Variants in UROC1 observed in about 807,000 individuals in gnomAD.
UROC1 encodes the protein urocanate hydratase.
A neutral mutation model predicts 89.5 loss-of-function variants in UROC1; 79 were observed. The observed-to-expected ratio is 0.88, with a 90% confidence interval of 0.74 to 1.06. The LOEUF is 1.06. Ranked by LOEUF, UROC1 falls within the 50% of genes least tolerant of loss-of-function variation. UROC1 has a pLI of 0.00. For synonymous variants in UROC1, 361 were observed against 354.8 expected, an observed-to-expected ratio of 1.02 and a Z score of -0.20; for missense variants, 885 against 907.8, an observed-to-expected ratio of 0.97 and a Z score of 0.32.
At position 126,517,594 on chromosome 3, in the gene UROC1, C is replaced by T. The variant is rs748284906; in HGVS notation, c.126G>A (p.Gln42=). 3.1e-6 allele frequency: 5 copies of T among 1,612,318 alleles called. No homozygotes were observed. Among genetic ancestry groups the T allele is most frequent in the Non-Finnish European group, 3.4e-6 (4 of 1,179,730 alleles). ...RTPSLSPVEK[Q]LALRNALRYF... ...TCGGGAGCACGGGCCCACTGCTTAC[C>T]TGTTTCTCCACAGGGCTGAGGCTGG... is the stretch of plus-strand genomic sequence containing the variant. Residue 42 remains glutamine (Q), a splice_region_variant and synonymous_variant, in exon 1 of 20, where the codon CAG becomes CAA. Transcript: ENST00000290868.
At chr3:126,500,516 AC>A (rs1188352191) in intron 11 of UROC1, among the ~76,000 whole-genome samples, 178 bp downstream of exon 11, 1 of 152,188 alleles carries the variant, frequency 6.6e-6, no homozygotes, top group Non-Finnish European at 1.5e-5. Flanking sequence ...GTCCCCCTGC[AC>A]TGCCGAGAGG....
chr3:126,513,822 C>T (rs1055531229), intron 1 of UROC1, among the ~76,000 whole-genome samples: 1 of 152,160 alleles, frequency 6.6e-6, no homozygotes, highest in African/African-American at 2.4e-5. Context: ...AGGTATGCCC[C>T]TATTCAGAAA....
At chr3:126,501,099 G>T (rs1381709988) in intron 10 of UROC1, 119 bp downstream of exon 10, 2 of 1,242,952 alleles carry the variant, frequency 1.6e-6, no homozygotes, top group African/African-American at 1.5e-5. Flanking sequence ...AACAAGGGTG[G>T]CGCTGAACTG....
chr3:126,481,657 T>TA lies in UROC1; in HGVS notation c.*687dup, dbSNP rs1464606858. ...CTCACGAGGCTCTGGACCCAGTCAT[T>TA]ACCGGGCTATGGGATTGGGGAAGGG... On this transcript the variant is annotated 3_prime_UTR_variant, in exon 20 of 20. Transcript: ENST00000290868. 2 of 152,154 alleles carry TA rather than the reference T, an allele frequency of 1.3e-5. No homozygotes were observed. Among genetic ancestry groups the TA allele is most frequent in the African/African-American group, 4.8e-5 (2 of 41,426 alleles). The allele number at this position is 152,154 out of a possible 1,614,324, so 9.4% of individuals were successfully genotyped here.
intron 13 of UROC1, 51 bp from the exon 14 acceptor site, chr3:126,498,223 G>T (rs766351971): frequency 1.9e-6 from 3 of 1,612,804 alleles, no homozygotes; most frequent in African/African-American, 1.3e-5. Context: ...TGTTGGGGGA[G>T]GGGGTGCAGG....
At chr3:126,498,012 G>C in intron 14 of UROC1, 39 bp downstream of exon 14, 1 of 1,613,464 alleles carries the variant, frequency 6.2e-7, no homozygotes, top group Non-Finnish European at 8.5e-7. Flanking sequence ...AGCTTTGGGG[G>C]GGCCACCCAC....
chr3:126,502,056 TTTGATGTATGTGTATG>T, intron 9 of UROC1: 1 of 1,218,690 alleles, frequency 8.2e-7, no homozygotes, highest in Non-Finnish European at 1.1e-6. Context: ...TTAAACTGAT[TTTGATGTATGTGTATG>T]TGTGTGTGTT....
chr3:126,499,956 C>T, intron 12 of UROC1, 101 bp downstream of exon 12: 9 of 1,200,768 alleles, frequency 7.5e-6, no homozygotes, highest in Non-Finnish European at 1.1e-5. Context: ...GCTGGGCCAC[C>T]CATGGCACCT....
At chr3:126,501,608 G>T (rs1480147894) in intron 9 of UROC1, among the ~76,000 whole-genome samples, 1 of 152,238 alleles carries the variant, frequency 6.6e-6, no homozygotes, top group African/African-American at 2.4e-5. Context: ...ACCCACCCAA[G>T]GTGGTCCCAG....
intron 4 of UROC1, 49 bp from the exon 5 acceptor site, chr3:126,508,144 C>T: frequency 1.2e-6 from 2 of 1,612,282 alleles, no homozygotes; most frequent in Non-Finnish European, 1.7e-6. Flanking sequence ...AGCAGCACCC[C>T]ACACCCAGCC....
At chr3:126,503,342 C>T (rs1317446024) in intron 9 of UROC1, among the ~76,000 whole-genome samples, 1 of 152,234 alleles carries the variant, frequency 6.6e-6, no homozygotes, top group African/African-American at 2.4e-5. Context: ...GATGTGTCTT[C>T]CCGTAACAGG....
In UROC1 at chr3:126,501,281, C is replaced by T; in HGVS notation, c.903-1G>A. 6.2e-7 allele frequency: 1 copy of T among 1,613,986 alleles called. No individual in the cohort carries two copies. The highest frequency in any genetic ancestry group is 8.5e-7 in the Non-Finnish European group (1 of 1,179,976). ...CACCTCCTTTTTTTTCCTTGCTTCC[C>T]TGGAAGGACACAAAAGCAGAACAGG... On this transcript the variant is annotated splice_acceptor_variant, in intron 9 of 19. Coordinates refer to ENST00000290868, the MANE Select transcript of UROC1 (RefSeq NM_144639.3). LOFTEE classifies it high-confidence loss of function.
chr3:126,512,663 C>T (rs1186347762), intron 1 of UROC1, among the ~76,000 whole-genome samples: 1 of 152,124 alleles, frequency 6.6e-6, no homozygotes, highest in Non-Finnish European at 1.5e-5. Context: ...TTTGAGGTTA[C>T]AGTGACCTAT....
chr3:126,487,871 C>T (rs960725406), intron 18 of UROC1, among the ~76,000 whole-genome samples: 1 of 152,192 alleles, frequency 6.6e-6, no homozygotes, highest in African/African-American at 2.4e-5. Flanking sequence ...CATGGGAACA[C>T]ATGGAAACTG....
chr3:126,490,503 T>C (rs1417156454), intron 16 of UROC1, among the ~76,000 whole-genome samples: 2 of 152,198 alleles, frequency 1.3e-5, no homozygotes, highest in East Asian at 1.9e-4. Flanking sequence ...CTGGCCAACA[T>C]GGCAAAACCC....
chr3:126,510,821 C>G (rs368812361), intron 1 of UROC1, 27 bp from the exon 2 acceptor site: 1 of 1,608,242 alleles, frequency 6.2e-7, no homozygotes, highest in African/African-American at 1.3e-5. Context: ...GAGAGGCAGT[C>G]GGGGCTGGGA....
In UROC1 at chr3:126,483,452, C is replaced by T. The variant is rs145069129; in HGVS notation, c.1807G>A (p.Gly603Arg). Reference protein sequence around the residue: ...GGVGWGEVINGGFGLVLDGTP... With the variant: ...GGVGWGEVINRGFGLVLDGTP... Reference sequence around the variant, plus strand: ...CCGTCCAGCACGAGGCCGAATCCCCCGTTGATCACCTCACCCCTGCAGGAG... The same window carrying T: ...CCGTCCAGCACGAGGCCGAATCCCCTGTTGATCACCTCACCCCTGCAGGAG... The change falls in exon 19 of 20, where the codon GGG becomes AGG. Residue 603 changes from glycine (G) to arginine (R), a missense_variant. By Grantham distance (125) the Gly-to-Arg change is moderately radical (BLOSUM62 -2). Transcript: ENST00000290868. 5.3e-5 allele frequency: 85 copies of T among 1,613,776 alleles called. No homozygotes were observed. Among genetic ancestry groups the T allele is most frequent in the Non-Finnish European group, 6.1e-5 (72 of 1,180,048 alleles).
Position 126,481,576 on chromosome 3 carries a change from A to G in UROC1, c.*769T>C, listed in dbSNP as rs1935386475. On this transcript the variant is annotated 3_prime_UTR_variant, in exon 20 of 20. Transcript: ENST00000290868. ...GTCTGTTGCACGCCCAGCTAAGAGA[A>G]TGAGATTCATGAGCCCTGGCCCTGA... 6.6e-6 allele frequency: 1 copy of G among 152,148 alleles called. No individual in the cohort carries two copies. The highest frequency in any genetic ancestry group is 2.1e-4 in the South Asian group (1 of 4,830). The allele number at this position is 152,148 out of a possible 1,614,324, so 9.4% of individuals were successfully genotyped here.
Position 126,482,350 on chromosome 3 carries a change from G to A in UROC1, c.2026C>T (p.Leu676Phe), listed in dbSNP as rs757795630. The A allele has an allele frequency of 3.7e-6, 6 of 1,612,972 alleles. No individual in the cohort carries two copies. The highest frequency in any genetic ancestry group is 1.1e-5 in the South Asian group (1 of 91,040). ...GGCCGCGACTCCTGGCTCCCTCAGA[G>A]CTGCAGGGCCTGCTGGAGCACCCGC... ...DERVLQQALQ[L>F] The change falls in exon 20 of 20, where the codon CTC (leucine) becomes TTC (phenylalanine). Residue 676 changes from leucine to phenylalanine, a missense_variant. Transcript: ENST00000290868.
Sources: allele counts gnomAD v4.1 joint callset (sites outside exome capture counted in the v4.1 genomes callset), GRCh38; gene constraint gnomAD v4.1.1; transcripts MANE v1.5; gene names NCBI Gene and HGNC (gene_info 2026-07-23, HGNC 2026-07-21).